ASIC2: variants seen among roughly 807,000 people sequenced by gnomAD.
ASIC2 encodes acid sensing ion channel subunit 2, also known as acid-sensing ion channel 2.
A neutral mutation model predicts 57.3 loss-of-function variants in ASIC2; 25 were observed. The ratio of observed to expected loss-of-function variants is 0.44; its 90% CI spans 0.32 to 0.61. ASIC2 has a LOEUF of 0.61. Ranked by LOEUF, ASIC2 falls within the 20% of genes least tolerant of loss-of-function variation. ASIC2 has a pLI of 0.06. For missense variants in ASIC2, 641 were observed against 738.1 expected (o/e 0.87, Z 1.52); for synonymous variants, 319 against 307.5 (o/e 1.04, Z -0.39).
At chr17:34,089,087 G>A (rs949553964) in intron 1 of ASIC2, among the ~76,000 whole-genome samples, 39 of 152,270 alleles carry the variant, frequency 2.6e-4, no homozygotes, top group African/African-American at 8.2e-4. Context: ...AGATGAACCC[G>A]GTACCTCAGA....
chr17:34,038,298 C>T, intron 1 of ASIC2: 1 of 1,609,850 alleles, frequency 6.2e-7, no homozygotes, highest in Admixed American at 1.7e-5. Context: ...TCATTTCCCT[C>T]ACAGTATTCT....
intron 1 of ASIC2, among the ~76,000 whole-genome samples, chr17:33,735,019 G>A (rs73282770): frequency 0.02 from 3,094 of 152,114 alleles, 90 homozygotes; most frequent in African/African-American, 0.07. Flanking sequence ...ACTGCACTTC[G>A]CTGTTGCTGT....
intron 1 of ASIC2, among the ~76,000 whole-genome samples, chr17:34,063,135 A>G (rs1352431994): frequency 2.0e-5 from 3 of 152,178 alleles, no homozygotes; most frequent in African/African-American, 7.2e-5. Flanking sequence ...ATACTAGCTA[A>G]CTGACTCCAA....
At chr17:33,739,335 A>C (rs1436276042) in intron 1 of ASIC2, among the ~76,000 whole-genome samples, 1 of 152,232 alleles carries the variant, frequency 6.6e-6, no homozygotes, top group East Asian at 1.9e-4. Flanking sequence ...AGGGAAGAGC[A>C]TGGGATTTGA....
chr17:33,567,597 G>A (rs961578934), intron 1 of ASIC2, among the ~76,000 whole-genome samples: 4 of 152,264 alleles, frequency 2.6e-5, no homozygotes, highest in African/African-American at 9.6e-5. Context: ...GCAGGCCTGG[G>A]GCCTCCTGTG....
chr17:33,114,709 G>A (rs1045552062), intron 1 of ASIC2, among the ~76,000 whole-genome samples: 1 of 152,174 alleles, frequency 6.6e-6, no homozygotes, highest in African/African-American at 2.4e-5. Flanking sequence ...ATGATGACAA[G>A]GTGTAAGAAT....
intron 1 of ASIC2, among the ~76,000 whole-genome samples, chr17:33,527,964 G>A (rs565929393): frequency 3.0e-4 from 46 of 152,228 alleles, no homozygotes; most frequent in Admixed American, 2.4e-3. Context: ...GGAAGAAGAT[G>A]GAACTTCATG....
chr17:33,730,295 CAGAACAGGCATTGCTCCAGAGA>C (rs1909702139), intron 1 of ASIC2, among the ~76,000 whole-genome samples: 1 of 152,148 alleles, frequency 6.6e-6, no homozygotes, highest in East Asian at 1.9e-4. Context: ...AGAGGTAAAT[CAGAACAGGCATTGCTCCAGAGA>C]CTACAGATCT....
chr17:33,767,624 T>A (rs1442225263), intron 1 of ASIC2, among the ~76,000 whole-genome samples: 1 of 152,230 alleles, frequency 6.6e-6, no homozygotes, highest in African/African-American at 2.4e-5. Context: ...TTAAGTTAAA[T>A]CTCTACTTAA....
intron 2 of ASIC2, among the ~76,000 whole-genome samples, chr17:33,103,318 T>A (rs1439476844): frequency 6.6e-6 from 1 of 152,192 alleles, no homozygotes; most frequent in African/African-American, 2.4e-5. Flanking sequence ...ACTTCAATCC[T>A]CCCAACAACC....
chr17:33,388,214 C>T (rs1054083494), intron 1 of ASIC2, among the ~76,000 whole-genome samples: 4 of 152,376 alleles, frequency 2.6e-5, no homozygotes, highest in Admixed American at 2.0e-4. Flanking sequence ...ATGCCAGCAG[C>T]CAGCAGAAGC....
At chr17:33,573,156 G>T (rs1463810744) in intron 1 of ASIC2, among the ~76,000 whole-genome samples, 1 of 152,132 alleles carries the variant, frequency 6.6e-6, no homozygotes, top group African/African-American at 2.4e-5. Context: ...GATAAGCATG[G>T]TTCATATAAG....
intron 1 of ASIC2, among the ~76,000 whole-genome samples, chr17:33,870,224 GTTTTTTTTTTTTTTTTT>G (rs869267956): frequency 2.0e-5 from 1 of 50,116 alleles, no homozygotes; most frequent in Non-Finnish European, 3.4e-5. Flanking sequence ...GAGAAATTCT[GTTTTTTTTTTTTTTTTT>G]TTTTTTTTTT....
At chr17:33,860,349 A>T (rs562565185) in intron 1 of ASIC2, among the ~76,000 whole-genome samples, 13 of 152,296 alleles carry the variant, frequency 8.5e-5, no homozygotes, top group Admixed American at 6.5e-4. Flanking sequence ...TCTGGGTCTG[A>T]TCCTCTCTCT....
chr17:33,200,536 T>G lies in ASIC2; in HGVS notation c.709-88469A>C, dbSNP rs1567782159. Among the ~76,000 whole-genome samples, 4 of 152,218 alleles carry G rather than the reference T, an allele frequency of 2.6e-5. No individual in the cohort carries two copies. The South Asian group carries it at 8.3e-4, about 32-fold the overall frequency. On this transcript the variant is annotated intron_variant, in intron 1 of 9. Transcript: ENST00000225823. ...CTTCTCTTCATTGCAGATGGAAGCT[T>G]CATCTTTCATTGTTCAGACCAAAAA... is the stretch of plus-strand genomic sequence containing the variant.
rs183487809 is a variant in ASIC2, at chr17:33,880,335, A to T, written c.555+275643T>A. Among the ~76,000 whole-genome samples the T allele has an allele frequency of 2.9e-4, 44 of 152,320 alleles. 1 individual carries two copies. Among genetic ancestry groups the T allele is most frequent in the African/African-American group, 1.0e-3 (42 of 41,570 alleles). On this transcript the variant is annotated intron_variant, in intron 1 of 9. Coordinates refer to the ASIC2 transcript ENST00000359872. ...TCCAGGAGCTGGTTTTTTTGAAAAGATCAACAAAATTGATAGAACACTAGC... is the reference window on the plus strand; with the variant it reads ...TCCAGGAGCTGGTTTTTTTGAAAAGTTCAACAAAATTGATAGAACACTAGC...
At chr17:33,733,411 A>G (rs1395754651) in intron 1 of ASIC2, among the ~76,000 whole-genome samples, 4 of 152,268 alleles carry the variant, frequency 2.6e-5, no homozygotes, top group Admixed American at 2.6e-4. Flanking sequence ...TCATTTTAGT[A>G]CTACAAGTTC....
chr17:33,475,539 G>A (rs17782543), intron 1 of ASIC2, among the ~76,000 whole-genome samples: 1 of 152,134 alleles, frequency 6.6e-6, no homozygotes, highest in African/African-American at 2.4e-5. Flanking sequence ...TGGCTTTGTT[G>A]GTTGGACATA....
intron 1 of ASIC2, among the ~76,000 whole-genome samples, chr17:33,910,049 A>G (rs981809546): frequency 6.6e-6 from 1 of 152,186 alleles, no homozygotes; most frequent in African/African-American, 2.4e-5. Flanking sequence ...ATGAGTGTTA[A>G]ATGAGTGAAT....
Sources: gnomAD v4.1 joint callset for allele counts (sites outside exome capture counted in the v4.1 genomes callset) on GRCh38, gnomAD v4.1.1 for gene constraint, MANE v1.5 for transcripts, NCBI Gene and HGNC (gene_info 2026-07-23, HGNC 2026-07-21) for gene names.